Variants in ADGRL2 observed in about 807,000 individuals in gnomAD.
The protein encoded by ADGRL2 is adhesion G protein-coupled receptor L2, also known as calcium-independent alpha-latrotoxin receptor 2.
ADGRL2 carries 44 observed loss-of-function variants against 157.4 expected under a neutral mutation model. The observed-to-expected ratio is 0.28, with a 90% confidence interval of 0.22 to 0.36. The LOEUF (loss-of-function observed/expected upper bound fraction) is 0.36. Ranked by LOEUF, ADGRL2 falls within the 10% of genes least tolerant of loss-of-function variation. The probability of loss-of-function intolerance (pLI) is 1.00; values close to 1 mark genes in which losing one functional copy is unlikely to be tolerated. For missense variants in ADGRL2, 1,510 were observed against 1,768.9 expected (o/e 0.85, Z 2.63); for synonymous variants, 585 against 624.7 (o/e 0.94, Z 0.95).
intron 1 of ADGRL2, among the ~76,000 whole-genome samples, chr1:81,732,361 T>C (rs1184146018): frequency 6.6e-6 from 1 of 152,210 alleles, no homozygotes; most frequent in Admixed American, 6.5e-5. Flanking sequence ...GAACTACATA[T>C]GCTTTTTAAA....
At chr1:81,969,748 T>C (rs1240193303) in intron 15 of ADGRL2, among the ~76,000 whole-genome samples, 5 of 152,174 alleles carry the variant, frequency 3.3e-5, no homozygotes, top group African/African-American at 1.2e-4. Context: ...AATTGATTCA[T>C]CATCATGAGG....
intron 1 of ADGRL2, among the ~76,000 whole-genome samples, chr1:81,364,595 C>T (rs960577869): frequency 3.9e-5 from 6 of 151,954 alleles, no homozygotes; most frequent in African/African-American, 1.2e-4. Context: ...AATTAATTAG[C>T]GAGAACTGAA....
chr1:81,680,447 T>G (rs1369923948), intron 3 of ADGRL2, among the ~76,000 whole-genome samples: 1 of 152,222 alleles, frequency 6.6e-6, no homozygotes, highest in East Asian at 1.9e-4. Context: ...GAAACCGGAA[T>G]GTCGGCTTAG....
intron 1 of ADGRL2, among the ~76,000 whole-genome samples, chr1:81,307,814 G>A (rs1012738031): frequency 8.2e-6 from 1 of 122,524 alleles, no homozygotes; most frequent in African/African-American, 3.3e-5. Context: ...AAAATGTGCA[G>A]TTCTTTTTCT....
intron 2 of ADGRL2, among the ~76,000 whole-genome samples, chr1:81,886,416 C>G (rs756835360): frequency 3.3e-5 from 5 of 152,138 alleles, no homozygotes; most frequent in Non-Finnish European, 5.9e-5. Flanking sequence ...GTGATCTGCC[C>G]GTCTCGGCTT....
chr1:81,871,105 C>T (rs1472457623), intron 2 of ADGRL2, among the ~76,000 whole-genome samples: 1 of 122,026 alleles, frequency 8.2e-6, no homozygotes. Context: ...CCCCAACAGG[C>T]CCTGTTGTGT....
chr1:81,392,926 A>G (rs963369273), intron 1 of ADGRL2, among the ~76,000 whole-genome samples: 2 of 152,116 alleles, frequency 1.3e-5, no homozygotes, highest in Non-Finnish European at 2.9e-5. Context: ...TAATAATTGT[A>G]ACTTTTTGTG....
At chr1:81,477,314 A>G (rs1350787998) in intron 2 of ADGRL2, among the ~76,000 whole-genome samples, 1 of 152,214 alleles carries the variant, frequency 6.6e-6, no homozygotes, top group Admixed American at 6.5e-5. Flanking sequence ...ACACCTGACT[A>G]TCCTGACAGC....
At chr1:81,802,398 C>G (rs1384812642) in intron 1 of ADGRL2, among the ~76,000 whole-genome samples, 1 of 152,006 alleles carries the variant, frequency 6.6e-6, no homozygotes, top group Non-Finnish European at 1.5e-5. Flanking sequence ...CTCGCTCGGG[C>G]TGCTCGCTCC....
chr1:81,769,678 A>G (rs1265471620), intron 2 of ADGRL2, among the ~76,000 whole-genome samples: 1 of 151,894 alleles, frequency 6.6e-6, no homozygotes, highest in Non-Finnish European at 1.5e-5. Context: ...CTTCTATACA[A>G]ATCTTGGAAG....
At chr1:81,428,504 A>G (rs537314023) in intron 1 of ADGRL2, among the ~76,000 whole-genome samples, 1 of 152,180 alleles carries the variant, frequency 6.6e-6, no homozygotes, top group East Asian at 1.9e-4. Flanking sequence ...TAACATGCAA[A>G]CGCATGGGAG....
chr1:81,337,931 A>G (rs752134030), intron 1 of ADGRL2, among the ~76,000 whole-genome samples: 3 of 152,226 alleles, frequency 2.0e-5, no homozygotes, highest in Non-Finnish European at 2.9e-5. Context: ...TCTTTAGGTC[A>G]GAAAAATATT....
At chr1:81,886,234 C>T (rs1288209559) in intron 2 of ADGRL2, among the ~76,000 whole-genome samples, 1 of 152,066 alleles carries the variant, frequency 6.6e-6, no homozygotes, top group African/African-American at 2.4e-5. Context: ...TGCAGTGGTG[C>T]GATCTCAGCT....
At chr1:81,725,647 C>G (rs1310261940) in intron 1 of ADGRL2, among the ~76,000 whole-genome samples, 4 of 152,144 alleles carry the variant, frequency 2.6e-5, no homozygotes, top group Non-Finnish European at 2.9e-5. Flanking sequence ...TGGTTTAACT[C>G]AGGAACAGTT....
At chr1:81,838,826 T>C (rs953840284) in intron 2 of ADGRL2, among the ~76,000 whole-genome samples, 2 of 152,070 alleles carry the variant, frequency 1.3e-5, no homozygotes, top group Non-Finnish European at 2.9e-5. Context: ...AGGATTCATA[T>C]CTGCTGTTAG....
chr1:81,503,027 C>A, intron 2 of ADGRL2: 2 of 1,612,612 alleles, frequency 1.2e-6, no homozygotes, highest in Non-Finnish European at 1.7e-6. Flanking sequence ...AGCCAGCAGG[C>A]TGGTACTCGG....
At chr1:81,789,700 T>G (rs144050998) in intron 2 of ADGRL2, among the ~76,000 whole-genome samples, 6,262 of 42,562 alleles carry the variant, frequency 0.15, 353 homozygotes, top group African/African-American at 0.36. Flanking sequence ...AGTCTCCGTC[T>G]CAAAAAAAAA....
chr1:81,396,043 A>AT (rs1049995114), intron 1 of ADGRL2, among the ~76,000 whole-genome samples: 8 of 151,762 alleles, frequency 5.3e-5, no homozygotes, highest in African/African-American at 1.5e-4. Context: ...TAATTTTAGG[A>AT]TTTTTTTCCT....
chr1:81,404,091 C>T (rs111226590), intron 1 of ADGRL2, among the ~76,000 whole-genome samples: 8,415 of 152,128 alleles, frequency 0.055, 762 homozygotes, highest in African/African-American at 0.19. Flanking sequence ...CCACCTCACC[C>T]GGGCGTCTTT....
Sources: allele counts gnomAD v4.1 joint callset (sites outside exome capture counted in the v4.1 genomes callset), GRCh38; gene constraint gnomAD v4.1.1; transcripts MANE v1.5; gene names NCBI Gene and HGNC (gene_info 2026-07-23, HGNC 2026-07-21).